Variants in ATP8A2 observed in about 807,000 individuals in gnomAD.
ATP8A2 encodes the protein phospholipid-transporting ATPase IB.
A neutral mutation model predicts 165.6 loss-of-function variants in ATP8A2; 100 were observed. The observed-to-expected ratio is 0.60, with a 90% CI of 0.51 to 0.71. The LOEUF is 0.71. Ranked by LOEUF, ATP8A2 falls within the 30% of genes least tolerant of loss-of-function variation. The pLI is 0.00. For synonymous variants in ATP8A2, 543 were observed against 548.8 expected, an observed-to-expected ratio of 0.99 and a Z score of 0.15; for missense variants, 1,227 against 1,479.5, an observed-to-expected ratio of 0.83 and a Z score of 2.80.
chr13:25,430,253 C>CG (rs1593296400), intron 1 of ATP8A2, among the ~76,000 whole-genome samples: 1 of 151,648 alleles, frequency 6.6e-6, no homozygotes, highest in African/African-American at 2.4e-5. Flanking sequence ...CAGCCTGAGA[C>CG]GGGGGCTGAA....
chr13:25,405,459 T>A (rs1211394578), intron 1 of ATP8A2, among the ~76,000 whole-genome samples: 1 of 152,206 alleles, frequency 6.6e-6, no homozygotes, highest in Admixed American at 6.5e-5. Context: ...CCCCAGGTCT[T>A]CTTTCTGAGT....
In ATP8A2 at chr13:25,837,910, C is replaced by G. The variant is rs74038034; in HGVS notation, c.2877+625C>G. On this transcript the variant is annotated intron_variant, in intron 29 of 36. Transcript: ENST00000381655. ...AAGCTGGGTGGGGTGTTAAAGGGGT[C>G]GTGCAGTCTCAGACAGCAGAGGGGT... Among the ~76,000 whole-genome samples the G allele has an allele frequency of 2.0e-3, 300 of 152,224 alleles. 9 individuals carry two copies. The South Asian group carries it at 0.025, about 13-fold the overall frequency.
At chr13:25,898,430 G>A (rs182621560) in intron 33 of ATP8A2, among the ~76,000 whole-genome samples, 7 of 152,308 alleles carry the variant, frequency 4.6e-5, no homozygotes, top group South Asian at 4.1e-4. Flanking sequence ...GTGTCAGTCC[G>A]CCCCTACTGG....
At chr13:25,882,429 T>C (rs1291045689) in intron 33 of ATP8A2, among the ~76,000 whole-genome samples, 1 of 152,188 alleles carries the variant, frequency 6.6e-6, no homozygotes, top group Non-Finnish European at 1.5e-5. Flanking sequence ...AGCCTGTCAG[T>C]GTTTCCAAGT....
intron 27 of ATP8A2, among the ~76,000 whole-genome samples, chr13:25,825,183 G>T (rs779334400): frequency 3.8e-5 from 4 of 105,448 alleles, no homozygotes; most frequent in Non-Finnish European, 7.0e-5. Flanking sequence ...TTGAGACAGG[G>T]TCTCACTCCA....
At chr13:25,845,700 C>A (rs1357684218) in intron 30 of ATP8A2, among the ~76,000 whole-genome samples, 1 of 152,194 alleles carries the variant, frequency 6.6e-6, no homozygotes, top group Non-Finnish European at 1.5e-5. Flanking sequence ...CCCTGGCATT[C>A]TTGGGTCATA....
intron 24 of ATP8A2, among the ~76,000 whole-genome samples, chr13:25,675,722 G>A (rs1369147739): frequency 6.6e-6 from 1 of 152,148 alleles, no homozygotes; most frequent in Non-Finnish European, 1.5e-5. Context: ...GTTTGGAAGA[G>A]TATTGAAAAT....
At chr13:25,553,643 G>A (rs1046522674) in intron 11 of ATP8A2, 150 bp from the exon 12 acceptor site, 1 of 721,404 alleles carries the variant, frequency 1.4e-6, no homozygotes, top group Non-Finnish European at 2.3e-6. Context: ...CGCATTGTGG[G>A]GCCTGTGTGC....
chr13:25,968,976 G>C (rs984613469), intron 35 of ATP8A2, among the ~76,000 whole-genome samples: 2 of 152,164 alleles, frequency 1.3e-5, no homozygotes, highest in African/African-American at 4.8e-5. Context: ...AGAGTCCAGA[G>C]TTAGCAGTAT....
intron 16 of ATP8A2, among the ~76,000 whole-genome samples, chr13:25,564,625 C>G (rs529844486): frequency 5.3e-5 from 8 of 152,316 alleles, no homozygotes; most frequent in African/African-American, 1.7e-4. Flanking sequence ...TACGACATCA[C>G]ACCACTTCAA....
At chr13:25,862,485 CTG>C in intron 33 of ATP8A2, 77 bp downstream of exon 33, 1 of 1,116,582 alleles carries the variant, frequency 9.0e-7, no homozygotes, top group African/African-American at 1.5e-5. Flanking sequence ...TGAGCAGGCA[CTG>C]TGTGTCTTAC....
chr13:25,543,598 A>G (rs1416112415), intron 10 of ATP8A2, among the ~76,000 whole-genome samples, 196 bp downstream of exon 10: 1 of 152,218 alleles, frequency 6.6e-6, no homozygotes, highest in African/African-American at 2.4e-5. Flanking sequence ...TTGTTACCGT[A>G]TGCCTGAACT....
intron 33 of ATP8A2, among the ~76,000 whole-genome samples, chr13:25,930,423 C>A (rs1386830155): frequency 1.5e-5 from 2 of 137,710 alleles, no homozygotes; most frequent in Non-Finnish European, 3.1e-5. Flanking sequence ...GCACTCAGGG[C>A]CTTTGTGTGG....
At chr13:25,455,200 T>G (rs543459710) in intron 1 of ATP8A2, among the ~76,000 whole-genome samples, 1 of 152,334 alleles carries the variant, frequency 6.6e-6, no homozygotes, top group African/African-American at 2.4e-5. Flanking sequence ...CCTCTGACTG[T>G]CAGCACAGAA....
At chr13:25,466,351 A>G (rs985674323) in intron 1 of ATP8A2, among the ~76,000 whole-genome samples, 5 of 151,810 alleles carry the variant, frequency 3.3e-5, no homozygotes, top group South Asian at 2.1e-4. Context: ...CCTTTCCTAC[A>G]ATGCCCTTCC....
Position 25,667,742 on chromosome 13 carries a change from T to G in ATP8A2, c.2212-31431T>G, listed in dbSNP as rs2042183472. 1.3e-5 allele frequency among the ~76,000 whole-genome samples: 2 copies of G among 152,280 alleles called. 1 individual carries two copies. Among genetic ancestry groups the G allele is most frequent in the South Asian group, 4.1e-4 (2 of 4,824 alleles). On this transcript the variant is annotated intron_variant, in intron 24 of 36. Transcript: ENST00000381655. ...ACCTTTTATGCCTGGCTGCTTTCAC[T>G]TAACATCTAATACTGCTTTCTTTTG...
intron 4 of ATP8A2, among the ~76,000 whole-genome samples, chr13:25,531,264 T>TATATGTTATATATG (rs2038051464): frequency 1.0e-5 from 1 of 99,014 alleles, no homozygotes; most frequent in African/African-American, 4.0e-5. Flanking sequence ...ATATATATGA[T>TATATGTTATATATG]ATATATGATA....
intron 27 of ATP8A2, among the ~76,000 whole-genome samples, chr13:25,807,003 T>C (rs1447586588): frequency 2.0e-5 from 3 of 152,216 alleles, no homozygotes; most frequent in African/African-American, 7.2e-5. Flanking sequence ...TTCAGATTCT[T>C]TGCCCATTTT....
At chr13:25,481,050 G>C (rs1438076686) in intron 2 of ATP8A2, among the ~76,000 whole-genome samples, 1 of 152,102 alleles carries the variant, frequency 6.6e-6, no homozygotes, top group Admixed American at 6.6e-5. Flanking sequence ...CAGGCACTAG[G>C]CAGGCTGAGG....
Sources: gnomAD v4.1 joint callset for allele counts (sites outside exome capture counted in the v4.1 genomes callset) on GRCh38, gnomAD v4.1.1 for gene constraint, MANE v1.5 for transcripts, NCBI Gene and HGNC (gene_info 2026-07-23, HGNC 2026-07-21) for gene names.